Variants in MCTP1 observed in about 807,000 individuals in gnomAD.
MCTP1 encodes multiple C2 and transmembrane domain containing 1, also known as multiple C2 and transmembrane domain-containing protein 1.
MCTP1 carries 69 observed loss-of-function variants against 120.6 expected under a neutral mutation model. The observed-to-expected ratio is 0.57, with a 90% confidence interval of 0.47 to 0.70. MCTP1 has a LOEUF of 0.70. Among genes scored for constraint, MCTP1 ranks in the 30% least tolerant of loss-of-function variants. The pLI, the probability that MCTP1 is intolerant of heterozygous loss-of-function variation, is 0.00. For synonymous variants in MCTP1, 529 were observed against 493.1 expected (o/e 1.07, Z -0.96); for missense variants, 1,203 against 1,248.8 (o/e 0.96, Z 0.55).
At chr5:94,969,367 T>A (rs1025120348) in intron 2 of MCTP1, among the ~76,000 whole-genome samples, 4 of 152,158 alleles carry the variant, frequency 2.6e-5, no homozygotes, top group Admixed American at 2.0e-4. Flanking sequence ...TAAACTAGTA[T>A]TAAAGATATT....
intron 2 of MCTP1, among the ~76,000 whole-genome samples, chr5:94,956,847 A>G (rs558485464): frequency 6.6e-6 from 1 of 152,346 alleles, no homozygotes; most frequent in South Asian, 2.1e-4. Flanking sequence ...AATACACTTC[A>G]GGATATCCAG....
intron 1 of MCTP1, among the ~76,000 whole-genome samples, chr5:95,069,721 C>G (rs1751642964): frequency 7.7e-6 from 1 of 129,962 alleles, no homozygotes; most frequent in African/African-American, 2.8e-5. Context: ...TTTTTTGAGA[C>G]AAAGTCTTGC....
intron 1 of MCTP1, among the ~76,000 whole-genome samples, chr5:95,093,728 G>A (rs1179498907): frequency 1.3e-5 from 2 of 152,188 alleles, no homozygotes; most frequent in Non-Finnish European, 2.9e-5. Flanking sequence ...TTCTCACAAT[G>A]TGACATTCCT....
chr5:94,992,292 G>GGATGATGAT lies in MCTP1; in HGVS notation c.838+25066_838+25074dup, dbSNP rs148599893. Among the ~76,000 whole-genome samples the GGATGATGAT allele has an allele frequency of 7.2e-5, 11 of 151,750 alleles. No homozygotes were observed. In the Middle Eastern group the frequency reaches 0.01, roughly 141 times the overall value. ...ATGATGCTAAGTATAATAATGTTGA[G>GGATGATGAT]GATGATGATGATGATGATGATGATG... On this transcript the variant is annotated intron_variant, in intron 2 of 22. Transcript: ENST00000515393.
intron 1 of MCTP1, among the ~76,000 whole-genome samples, chr5:95,140,904 A>T (rs904029440): frequency 6.7e-6 from 1 of 148,696 alleles, no homozygotes; most frequent in Non-Finnish European, 1.5e-5. Flanking sequence ...AAAAAAAAAA[A>T]GTGCCATTTA....
chr5:94,728,311 A>G (rs1051946387), intron 19 of MCTP1, among the ~76,000 whole-genome samples: 1 of 152,236 alleles, frequency 6.6e-6, no homozygotes, highest in Non-Finnish European at 1.5e-5. Flanking sequence ...TCTTAAGAGC[A>G]AATCAGGATA....
intron 1 of MCTP1, among the ~76,000 whole-genome samples, chr5:95,057,871 G>A (rs1274951533): frequency 6.6e-6 from 1 of 152,178 alleles, no homozygotes; most frequent in Admixed American, 6.5e-5. Context: ...TGGACATGAT[G>A]AGACCTAGAT....
chr5:94,946,327 G>A lies in MCTP1; in HGVS notation c.982-3900C>T, dbSNP rs1252260220. On this transcript the variant is annotated intron_variant, in intron 3 of 22. Coordinates refer to ENST00000515393, the MANE Select transcript of MCTP1 (RefSeq NM_024717.7). The stretch of plus-strand genomic sequence containing the variant: ...GCAAAGTACTGAATCCGTTCCAGAT[G>A]GGCCAGCTCATATCACATGCCTATT... Among the ~76,000 whole-genome samples, 4 of 152,108 alleles carry A rather than the reference G, an allele frequency of 2.6e-5. No homozygotes were observed. The East Asian group carries it at 5.8e-4, about 22-fold the overall frequency.
chr5:94,776,774 A>G (rs541984676), intron 19 of MCTP1, among the ~76,000 whole-genome samples: 12 of 152,322 alleles, frequency 7.9e-5, no homozygotes, highest in African/African-American at 2.9e-4. Context: ...CTTTAAATAA[A>G]GGAACCAACG....
At chr5:95,023,267 G>A (rs1420995542) in intron 1 of MCTP1, among the ~76,000 whole-genome samples, 1 of 152,126 alleles carries the variant, frequency 6.6e-6, no homozygotes, top group Non-Finnish European at 1.5e-5. Flanking sequence ...GCAAAACCCT[G>A]GCCTTTTCCC....
intron 2 of MCTP1, among the ~76,000 whole-genome samples, chr5:94,953,574 A>G (rs1821181488): frequency 6.6e-6 from 1 of 151,338 alleles, no homozygotes; most frequent in Non-Finnish European, 1.5e-5. Flanking sequence ...TTCTGATCTT[A>G]ATCGTGTAAC....
intron 1 of MCTP1, among the ~76,000 whole-genome samples, chr5:95,085,122 AT>A (rs916825386): frequency 1.4e-4 from 21 of 151,906 alleles, no homozygotes; most frequent in African/African-American, 4.8e-4. Flanking sequence ...TTTGATTCTG[AT>A]TTTCTGGAAG....
Position 94,940,129 on chromosome 5 carries a change from C to A in MCTP1, c.1128G>T (p.Leu376Phe). The A allele has an allele frequency of 1.2e-6, 2 of 1,609,874 alleles. No homozygotes were observed. The highest frequency in any genetic ancestry group is 1.7e-6 in the Non-Finnish European group (2 of 1,177,270). Residue 376 changes from leucine (L) to phenylalanine (F), a missense_variant, in exon 5 of 23, where the codon TTG becomes TTT. Leu to Phe is a conservative substitution (Grantham distance 22). Coordinates refer to ENST00000515393, the MANE Select transcript of MCTP1 (RefSeq NM_024717.7). ...CTTTAGGGGTAAGGATGACTGAGAG[C>A]AAAATGATTCCAAGATCATGGTCAG... is the stretch of plus-strand genomic sequence containing the variant. ...HYPDHDLGIILLSVILTPKEG... is the reference protein window; with the variant it reads ...HYPDHDLGIIFLSVILTPKEG...
chr5:94,748,336 G>A (rs1767415509), intron 19 of MCTP1, among the ~76,000 whole-genome samples: 3 of 152,156 alleles, frequency 2.0e-5, no homozygotes, highest in Admixed American at 2.0e-4. Flanking sequence ...TGACGACTGT[G>A]GAACTACTGA....
At chr5:94,748,475 C>T (rs1767455717) in intron 19 of MCTP1, among the ~76,000 whole-genome samples, 1 of 152,334 alleles carries the variant, frequency 6.6e-6, no homozygotes, top group Admixed American at 6.5e-5. Flanking sequence ...TAGGTACATA[C>T]ATCCTTTGTG....
chr5:95,248,091 C>A (rs926626437), intron 1 of MCTP1, among the ~76,000 whole-genome samples: 1 of 152,180 alleles, frequency 6.6e-6, no homozygotes, highest in African/African-American at 2.4e-5. Flanking sequence ...AAGCTGGAAG[C>A]ATTCCCTTTG....
intron 1 of MCTP1, among the ~76,000 whole-genome samples, chr5:95,280,514 A>G (rs1760228669): frequency 6.6e-6 from 1 of 152,276 alleles, no homozygotes; most frequent in African/African-American, 2.4e-5. Flanking sequence ...AAGGCAGAAT[A>G]CATAAAATTG....
intron 1 of MCTP1, among the ~76,000 whole-genome samples, chr5:95,132,664 C>T (rs1045857978): frequency 3.9e-5 from 6 of 152,302 alleles, no homozygotes; most frequent in East Asian, 1.9e-4. Context: ...TGCTGTCCCC[C>T]CACTGTCCCT....
intron 10 of MCTP1, among the ~76,000 whole-genome samples, chr5:94,900,340 G>C (rs74494585): frequency 6.6e-6 from 1 of 152,116 alleles, no homozygotes; most frequent in Non-Finnish European, 1.5e-5. Flanking sequence ...TTCTCAGCAC[G>C]TGGCACACCA....
Sources: allele counts gnomAD v4.1 joint callset (sites outside exome capture counted in the v4.1 genomes callset), GRCh38; gene constraint gnomAD v4.1.1; transcripts MANE v1.5; gene names NCBI Gene and HGNC (gene_info 2026-07-23, HGNC 2026-07-21).